TBC1D5: variants seen among roughly 807,000 people sequenced by gnomAD.
TBC1D5 encodes the protein TBC1 domain family, member 5.
In TBC1D5, 75 loss-of-function variants were observed where a neutral mutation model predicts 100.3. The ratio of observed to expected loss-of-function variants is 0.75; its 90% CI spans 0.62 to 0.91. The LOEUF is 0.91. TBC1D5 is among the 40% of genes least tolerant of loss of function. The pLI is 0.00. For synonymous variants in TBC1D5, 323 were observed against 325.6 expected (o/e 0.99, Z 0.09); for missense variants, 910 against 942.4 (o/e 0.97, Z 0.45).
chr3:17,365,200 C>T (rs1024891024), intron 13 of TBC1D5, among the ~76,000 whole-genome samples: 5 of 151,942 alleles, frequency 3.3e-5, no homozygotes, highest in African/African-American at 7.3e-5. Context: ...TTCCAGTAGT[C>T]CTCTTACACT....
intron 16 of TBC1D5, among the ~76,000 whole-genome samples, chr3:17,254,003 G>A (rs1317291467): frequency 6.6e-6 from 1 of 152,202 alleles, no homozygotes; most frequent in Non-Finnish European, 1.5e-5. Flanking sequence ...CTATATGCAG[G>A]TGGTCCTGGA....
chr3:17,713,298 G>C (rs1233624560), intron 1 of TBC1D5, among the ~76,000 whole-genome samples: 5 of 149,144 alleles, frequency 3.4e-5, no homozygotes, highest in Admixed American at 6.7e-5. Flanking sequence ...CTGGAGTGCA[G>C]TGGCGCGATC....
At chr3:17,720,124 T>C (rs981740132) in intron 1 of TBC1D5, among the ~76,000 whole-genome samples, 3 of 152,220 alleles carry the variant, frequency 2.0e-5, no homozygotes, top group Non-Finnish European at 2.9e-5. Flanking sequence ...TATGTGTGTA[T>C]TTAGATAAAG....
chr3:17,454,865 T>C (rs1390458980), intron 3 of TBC1D5, among the ~76,000 whole-genome samples: 1 of 151,650 alleles, frequency 6.6e-6, no homozygotes, highest in Admixed American at 6.6e-5. Flanking sequence ...TACTTATGAA[T>C]TAACTTAAAG....
chr3:17,457,882 G>A (rs1656282081), intron 3 of TBC1D5, among the ~76,000 whole-genome samples: 1 of 152,098 alleles, frequency 6.6e-6, no homozygotes. Context: ...AAGTGAGCTA[G>A]GTTTGAAGTT....
chr3:17,352,690 A>AAAAAAAC (rs1553700508), intron 13 of TBC1D5, among the ~76,000 whole-genome samples: 20 of 150,964 alleles, frequency 1.3e-4, no homozygotes, highest in African/African-American at 4.4e-4. Context: ...AGGCAAAAAA[A>AAAAAAAC]AAAAAAAAAC....
chr3:17,437,348 T>C (rs1471391773), intron 3 of TBC1D5, among the ~76,000 whole-genome samples: 1 of 152,166 alleles, frequency 6.6e-6, no homozygotes, highest in African/African-American at 2.4e-5. Flanking sequence ...TTCTATTTAG[T>C]ATGATTGTCA....
chr3:17,212,699 C>T (rs1315398142), intron 18 of TBC1D5, among the ~76,000 whole-genome samples: 4 of 151,100 alleles, frequency 2.6e-5, no homozygotes, highest in Non-Finnish European at 5.9e-5. Context: ...GCCTAATGTG[C>T]GTGTCCGTTT....
chr3:17,198,007 A>G (rs1208371799), intron 18 of TBC1D5, among the ~76,000 whole-genome samples: 1 of 152,236 alleles, frequency 6.6e-6, no homozygotes, highest in Non-Finnish European at 1.5e-5. Flanking sequence ...ACTGCACTCC[A>G]GCCTGGGTGA....
chr3:17,285,624 T>C (rs1210185993), intron 15 of TBC1D5, among the ~76,000 whole-genome samples: 1 of 152,204 alleles, frequency 6.6e-6, no homozygotes, highest in Non-Finnish European at 1.5e-5. Context: ...AAGGAACATT[T>C]TCTAAAATTG....
At chr3:17,707,927 ATC>A (rs2074338350) in intron 1 of TBC1D5, among the ~76,000 whole-genome samples, 1 of 152,204 alleles carries the variant, frequency 6.6e-6, no homozygotes, top group Admixed American at 6.5e-5. Flanking sequence ...TATTACAAAC[ATC>A]TGTGTTCCCA....
At chr3:17,702,187 TCTAC>T (rs1319577501) in intron 1 of TBC1D5, 1 of 152,188 alleles carries the variant, frequency 6.6e-6, no homozygotes, top group African/African-American at 2.4e-5. Flanking sequence ...TTTGGCATAC[TCTAC>T]CTGTCAAATC....
intron 18 of TBC1D5, among the ~76,000 whole-genome samples, chr3:17,212,796 CATCT>C (rs1409796059): frequency 1.3e-5 from 2 of 151,956 alleles, no homozygotes; most frequent in Admixed American, 1.3e-4. Flanking sequence ...CATTTTTGTA[CATCT>C]ATCAAATGCG....
chr3:17,533,115 A>T (rs1172365128), intron 2 of TBC1D5, among the ~76,000 whole-genome samples: 2 of 151,342 alleles, frequency 1.3e-5, no homozygotes, highest in Non-Finnish European at 2.9e-5. Context: ...ACTTCCAATT[A>T]GTTACCTAAA....
chr3:17,346,121 A>G (rs1476741135), intron 13 of TBC1D5, among the ~76,000 whole-genome samples: 1 of 152,228 alleles, frequency 6.6e-6, no homozygotes, highest in African/African-American at 2.4e-5. Context: ...AAAATCTTTA[A>G]AGCAAAAACT....
chr3:17,643,807 T>C (rs1162538358), intron 1 of TBC1D5, among the ~76,000 whole-genome samples: 1 of 152,152 alleles, frequency 6.6e-6, no homozygotes, highest in Non-Finnish European at 1.5e-5. Context: ...TTGTTTTATA[T>C]AATTGTAGCC....
At chr3:17,444,555 T>C (rs2094740321) in intron 3 of TBC1D5, among the ~76,000 whole-genome samples, 1 of 152,090 alleles carries the variant, frequency 6.6e-6, no homozygotes, top group Admixed American at 6.5e-5. Flanking sequence ...AATAACACTA[T>C]GATAAATACC....
chr3:17,241,591 A>G (rs951250836), intron 16 of TBC1D5, among the ~76,000 whole-genome samples: 2 of 152,240 alleles, frequency 1.3e-5, no homozygotes, highest in Non-Finnish European at 2.9e-5. Flanking sequence ...ACCTCATTTA[A>G]CAAGTTAAGT....
chr3:17,707,543 A>G (rs1032408812), intron 1 of TBC1D5, among the ~76,000 whole-genome samples: 5 of 152,174 alleles, frequency 3.3e-5, no homozygotes, highest in African/African-American at 9.6e-5. Flanking sequence ...AAAATGTCAA[A>G]ATAGAAGAAA....
Sources: allele counts gnomAD v4.1 joint callset (sites outside exome capture counted in the v4.1 genomes callset), GRCh38; gene constraint gnomAD v4.1.1; transcripts MANE v1.5; gene names NCBI Gene and HGNC (gene_info 2026-07-23, HGNC 2026-07-21).